The following NFS1 variants were observed in gnomAD, a reference collection of about 807,000 sequenced individuals.
The protein encoded by NFS1 is NFS1 cysteine desulfurase.
In NFS1, 26 loss-of-function variants were observed where a neutral mutation model predicts 57.3. That is an observed-to-expected ratio of 0.45 (90% CI 0.33 to 0.63). The LOEUF (loss-of-function observed/expected upper bound fraction) is 0.63, where lower values mean the gene tolerates loss of function less well. Ranked by LOEUF, NFS1 falls within the 20% of genes least tolerant of loss-of-function variation. NFS1 has a pLI of 0.02. For missense variants in NFS1, 505 were observed against 605.8 expected (o/e 0.83, Z 1.75); for synonymous variants, 209 against 216.3 (o/e 0.97, Z 0.30).
chr20:35,669,764 T>C (rs2034623416), intron 12 of NFS1, 79 bp from the exon 13 acceptor site: 11 of 1,319,982 alleles, frequency 8.3e-6, no homozygotes, highest in Non-Finnish European at 1.2e-5. Flanking sequence ...CTCTGAGCAA[T>C]GGCTTGCCTC....
chr20:35,693,572 A>G (rs549852165), intron 4 of NFS1, among the ~76,000 whole-genome samples: 1 of 152,322 alleles, frequency 6.6e-6, no homozygotes, highest in East Asian at 1.9e-4. Context: ...TCAAGCCAGT[A>G]ATCCCAGAAC....
intron 11 of NFS1, among the ~76,000 whole-genome samples, chr20:35,673,085 C>T (rs988285121): frequency 2.0e-5 from 3 of 152,054 alleles, no homozygotes; most frequent in Admixed American, 6.5e-5. Context: ...GTTGGGAGTT[C>T]GAGACCAGCC....
Position 35,669,539 on chromosome 20 carries a change from C to T in NFS1, c.*83G>A. The stretch of plus-strand genomic sequence containing the variant: ...GGTCTATACCAATCTAGAGCATCCA[C>T]TAGGTGTAACAAGGTGTCTGGTTGT... On this transcript the variant is annotated 3_prime_UTR_variant, in exon 13 of 13. Coordinates refer to ENST00000374092, the MANE Select transcript of NFS1 (RefSeq NM_021100.5). 8.3e-7 allele frequency: 1 copy of T among 1,205,534 alleles called. No homozygotes were observed. The highest frequency in any genetic ancestry group is 1.2e-5 in the South Asian group (1 of 82,210). The allele number at this position is 1,205,534 out of a possible 1,614,324, so 74.7% of individuals were successfully genotyped here. A position where few individuals can be genotyped will look rare whatever the true frequency, so the allele number is the denominator to read the frequency against.
intron 5 of NFS1, among the ~76,000 whole-genome samples, chr20:35,688,503 G>A (rs1279139069): frequency 6.6e-6 from 1 of 152,076 alleles, no homozygotes; most frequent in African/African-American, 2.4e-5. Flanking sequence ...GTTTCAGTGA[G>A]CCAAGATCGT....
rs964943397 is a variant in NFS1 at position 35,699,321 on chromosome 20, G to T, written c.-33C>A. On this transcript the variant is annotated 5_prime_UTR_variant, in exon 1 of 13. Coordinates refer to ENST00000374092, the MANE Select transcript of NFS1 (RefSeq NM_021100.5). The surrounding 1 kb of genome is among the most constrained non-coding windows in gnomAD (Gnocchi z 4.4). ...CTGGCAGAGCCCACCTTCCGAAGCC[G>T]CTGCAGTCCTGGGCCCCAGGCTCCC... 1 of 1,393,714 alleles carries T rather than the reference G, an allele frequency of 7.2e-7. No homozygotes were observed. The highest frequency in any genetic ancestry group is 1.5e-5 in the South Asian group (1 of 64,564). 86.3% of individuals were successfully genotyped at this position (1,393,714 alleles called of 1,614,324 possible).
At position 35,688,133 on chromosome 20, in the gene NFS1, C is replaced by T. The variant is rs190738696; in HGVS notation, c.561+2280G>A. On this transcript the variant is annotated intron_variant, in intron 5 of 12. Transcript: ENST00000374092. ...TGGTGGTGGCACATGCCTGTAATCTCGGCTACTTGAGAGGCTGAGGCAGGA... is the reference window on the plus strand; with the variant it reads ...TGGTGGTGGCACATGCCTGTAATCTTGGCTACTTGAGAGGCTGAGGCAGGA... 8.5e-5 allele frequency among the ~76,000 whole-genome samples: 13 copies of T among 152,140 alleles called. No individual in the cohort carries two copies. In the East Asian group the frequency reaches 2.1e-3, roughly 25 times the overall value.
intron 5 of NFS1, among the ~76,000 whole-genome samples, chr20:35,687,231 G>A (rs987112070): frequency 1.3e-5 from 2 of 152,184 alleles, no homozygotes; most frequent in African/African-American, 4.8e-5. Flanking sequence ...AGGCCTGCCC[G>A]CAGTTATCTG....
chr20:35,683,790 CAAA>C (rs151037025), intron 5 of NFS1, among the ~76,000 whole-genome samples: 2 of 54,024 alleles, frequency 3.7e-5, no homozygotes, highest in Non-Finnish European at 7.5e-5. Context: ...GACTCCATCT[CAAA>C]AAAAAAAAAA....
Position 35,669,551 on chromosome 20 carries a change from A to G in NFS1, c.*71T>C. The stretch of plus-strand genomic sequence containing the variant: ...TCTAGAGCATCCACTAGGTGTAACA[A>G]GGTGTCTGGTTGTGCACGGGTTGGT... On this transcript the variant is annotated 3_prime_UTR_variant, in exon 13 of 13. Coordinates refer to ENST00000374092, the MANE Select transcript of NFS1 (RefSeq NM_021100.5). 2 of 1,354,600 alleles carry G rather than the reference A, an allele frequency of 1.5e-6. No individual in the cohort carries two copies. Among genetic ancestry groups the G allele is most frequent in the Admixed American group, 3.4e-5 (2 of 59,560 alleles). 83.9% of individuals were successfully genotyped at this position (1,354,600 alleles called of 1,614,324 possible). A position where few individuals can be genotyped will look rare whatever the true frequency, so the allele number is the denominator to read the frequency against.
In NFS1 at chr20:35,672,771, G is replaced by A. The variant is rs201504973; in HGVS notation, c.1294C>T (p.Arg432Cys). The change falls in exon 12 of 13, where the codon CGT (arginine) becomes TGT (cysteine). Residue 432 changes from arginine (R) to cysteine (C), a missense_variant. Arg to Cys is a radical substitution (Grantham distance 180, BLOSUM62 -3). Coordinates refer to ENST00000374092, the MANE Select transcript of NFS1 (RefSeq NM_021100.5). ...TATGTATACCTCATTTCTCGAAGAC[G>A]CTTCACATGCTGAATGCATTTCTCC... Reference protein sequence around the residue: ...TVEKCIQHVKRLREMSPLWEM... With the variant: ...TVEKCIQHVKCLREMSPLWEM... The A allele has an allele frequency of 3.5e-5, 57 of 1,610,708 alleles. No individual in the cohort carries two copies. The highest frequency in any genetic ancestry group is 2.6e-4 in the South Asian group (24 of 91,020).
At chr20:35,677,264 G>C (rs2034768959) in intron 7 of NFS1, among the ~76,000 whole-genome samples, 1 of 152,036 alleles carries the variant, frequency 6.6e-6, no homozygotes, top group Non-Finnish European at 1.5e-5. Context: ...GAGCACGGTG[G>C]CTCATGACTA....
chr20:35,686,516 G>A (rs1435198424), intron 5 of NFS1, among the ~76,000 whole-genome samples: 3 of 152,114 alleles, frequency 2.0e-5, no homozygotes, highest in Non-Finnish European at 2.9e-5. Context: ...GTTATGGTAT[G>A]TGAATTACAT....
intron 5 of NFS1, among the ~76,000 whole-genome samples, chr20:35,687,819 C>T (rs911935184): frequency 3.3e-5 from 5 of 152,072 alleles, no homozygotes; most frequent in African/African-American, 7.2e-5. Context: ...GAGAGGAGGC[C>T]GAGAAAGGTG....
chr20:35,699,011 G>T lies in NFS1; in HGVS notation c.97+181C>A, dbSNP rs2035194552. 2 of 1,329,554 alleles carry T rather than the reference G, an allele frequency of 1.5e-6. No individual in the cohort carries two copies. Among genetic ancestry groups the T allele is most frequent in the Admixed American group, 7.5e-5 (2 of 26,498 alleles). The allele number at this position is 1,329,554 out of a possible 1,614,324, so 82.4% of individuals were successfully genotyped here. A position where few individuals can be genotyped will look rare whatever the true frequency, so the allele number is the denominator to read the frequency against. ...GGGCCTGTCGCGCAGGGTGCGAGGG[G>T]TGGTGCGCCGGGGTCAACCGTTCGG... is the stretch of plus-strand genomic sequence containing the variant. On this transcript the variant is annotated intron_variant, in intron 1 of 12. Coordinates refer to ENST00000374092, the MANE Select transcript of NFS1 (RefSeq NM_021100.5). The surrounding 1 kb of genome is among the most constrained non-coding windows in gnomAD (Gnocchi z 4.4).
intron 10 of NFS1, 143 bp downstream of exon 10, chr20:35,674,207 A>T: frequency 1.4e-6 from 1 of 722,136 alleles, no homozygotes. Flanking sequence ...CAGCCAACCA[A>T]AAAAAGAGAG....
chr20:35,696,187 G>A (rs2035131010), intron 4 of NFS1, among the ~76,000 whole-genome samples, 190 bp downstream of exon 4: 1 of 152,044 alleles, frequency 6.6e-6, no homozygotes. Flanking sequence ...ACCAACAGCA[G>A]CAAAGACTTA....
In NFS1 at chr20:35,699,343, T is replaced by A. The variant is rs2035205075; in HGVS notation, c.-55A>T. The stretch of plus-strand genomic sequence containing the variant: ...GCCGCTGCAGTCCTGGGCCCCAGGC[T>A]CCCGGAAGTGCTGCCCGGCGCTCCG... On this transcript the variant is annotated 5_prime_UTR_variant, in exon 1 of 13. Transcript: ENST00000374092. This position sits in a 1 kb window ranked among gnomAD's most constrained non-coding sequence, Gnocchi z 4.4. 1.4e-6 allele frequency: 2 copies of A among 1,383,552 alleles called. No homozygotes were observed. The allele number at this position is 1,383,552 out of a possible 1,614,324, so 85.7% of individuals were successfully genotyped here. A position where few individuals can be genotyped will look rare whatever the true frequency, so the allele number is the denominator to read the frequency against.
intron 7 of NFS1, among the ~76,000 whole-genome samples, chr20:35,678,285 G>A (rs1399662120): frequency 3.3e-5 from 5 of 152,264 alleles, no homozygotes; most frequent in Middle Eastern, 6.8e-3. Flanking sequence ...AACCCTGGAG[G>A]CGGAGCTTGC....
chr20:35,678,791 T>C (rs1247105894), intron 7 of NFS1, among the ~76,000 whole-genome samples: 1 of 150,464 alleles, frequency 6.6e-6, no homozygotes, highest in Non-Finnish European at 1.5e-5. Context: ...CCCAGGAGAT[T>C]GAAGCTGTGG....
Sources: allele counts gnomAD v4.1 joint callset (sites outside exome capture counted in the v4.1 genomes callset), GRCh38; gene constraint gnomAD v4.1.1; non-coding constraint Gnocchi (gnomAD v3.1); transcripts MANE v1.5; gene names NCBI Gene and HGNC (gene_info 2026-07-23, HGNC 2026-07-21).